The following PLAC1 variants were observed in gnomAD, a reference collection of about 807,000 sequenced individuals.
The protein encoded by PLAC1 is placenta associated 1.
For synonymous variants in PLAC1, 68 were observed against 62.1 expected, an observed-to-expected ratio of 1.09 and a Z score of -0.44; for missense variants, 136 against 163.2, an observed-to-expected ratio of 0.83 and a Z score of 0.91.
intron 1 of PLAC1, among the ~76,000 whole-genome samples, chrX:134,612,949 T>C (rs753999881): frequency 9.1e-6 from 1 of 110,302 alleles, no homozygotes; most frequent in South Asian, 4.0e-4. Flanking sequence ...CAGGCACACA[T>C]AGCAGGTAGA....
At chrX:134,747,213 A>G (rs2147849701) in intron 1 of PLAC1, among the ~76,000 whole-genome samples, 1 of 111,803 alleles carries the variant, frequency 8.9e-6, no homozygotes, top group East Asian at 2.8e-4. Flanking sequence ...GAAACCTCTC[A>G]TTAACCCATG....
rs188631962 is a variant in PLAC1 at position 134,636,983 on chromosome X, C to T, written c.-131+21345G>A. ...TAATTCTCCATCCATCTCAGTCCTC[C>T]GTAAACAGTTAAAGACTGCAGCCAA... On this transcript the variant is annotated intron_variant, in intron 1 of 2. Transcript: ENST00000359237. Among the ~76,000 whole-genome samples, 11 of 112,509 alleles carry T rather than the reference C, an allele frequency of 9.8e-5. No individual in the cohort carries two copies. In the Admixed American group the frequency reaches 1.0e-3, roughly 11 times the overall value.
intron 2 of PLAC1, among the ~76,000 whole-genome samples, chrX:134,704,520 CA>C (rs774558355): frequency 1.1e-5 from 1 of 94,052 alleles, no homozygotes; most frequent in African/African-American, 3.9e-5. Context: ...ATAACAACAA[CA>C]AAAAAAAATA....
chrX:134,570,585 G>C (rs1177629879), intron 2 of PLAC1, among the ~76,000 whole-genome samples: 6 of 111,412 alleles, frequency 5.4e-5, no homozygotes, highest in Non-Finnish European at 9.4e-5. Context: ...ATTTTGACTC[G>C]ATTGCAAATT....
chrX:134,674,865 A>G (rs1048683160), intron 2 of PLAC1, among the ~76,000 whole-genome samples: 2 of 112,713 alleles, frequency 1.8e-5, no homozygotes. Flanking sequence ...TCAGCAGAAC[A>G]GGGAAGAAAG....
At chrX:134,757,112 A>T (rs1296454069) in intron 1 of PLAC1, among the ~76,000 whole-genome samples, 1 of 112,810 alleles carries the variant, frequency 8.9e-6, no homozygotes, top group Non-Finnish European at 1.9e-5. Context: ...AAACTGATTC[A>T]GATAGGGATT....
intron 1 of PLAC1, among the ~76,000 whole-genome samples, chrX:134,753,603 G>A (rs2078749760): frequency 9.1e-6 from 1 of 110,211 alleles, no homozygotes; most frequent in Non-Finnish European, 1.9e-5. Flanking sequence ...GGGCGGGAAC[G>A]AGATGGTATA....
intron 1 of PLAC1, among the ~76,000 whole-genome samples, chrX:134,642,559 G>C (rs1012778712): frequency 1.8e-5 from 2 of 111,193 alleles, no homozygotes; most frequent in African/African-American, 6.5e-5. Flanking sequence ...AGGTCTGGAA[G>C]TTGTTGGGGG....
At chrX:134,636,259 C>T (rs770356356) in intron 1 of PLAC1, among the ~76,000 whole-genome samples, 5 of 112,157 alleles carry the variant, frequency 4.5e-5, no homozygotes, top group African/African-American at 1.3e-4. Context: ...CATGAGCCCA[C>T]GACAAACCCT....
At chrX:134,685,449 C>CTTTTTTT (rs200498313) in intron 2 of PLAC1, among the ~76,000 whole-genome samples, 22 of 49,151 alleles carry the variant, frequency 4.5e-4, no homozygotes, top group South Asian at 1.6e-3. Flanking sequence ...AATGGCGTCC[C>CTTTTTTT]TTTTTTTTTT....
In PLAC1 at chrX:134,736,659, C is replaced by T. The variant is rs1031038116; in HGVS notation, n.90-3140G>A. Among the ~76,000 whole-genome samples the T allele has an allele frequency of 6.2e-5, 7 of 112,089 alleles. No individual in the cohort carries two copies. The East Asian group carries it at 8.5e-4, about 14-fold the overall frequency. ...TTGTCCTCCCAAGATCCTTGGAAAT[C>T]GAAGCTTTGCTATGCTCATTACTGA... is the stretch of plus-strand genomic sequence containing the variant. On this transcript the variant is annotated intron_variant and non_coding_transcript_variant, in intron 1 of 2. Coordinates refer to the PLAC1 transcript ENST00000466797.
At chrX:134,701,973 T>TG (rs1227390766) in intron 2 of PLAC1, among the ~76,000 whole-genome samples, 2 of 111,970 alleles carry the variant, frequency 1.8e-5, no homozygotes, top group Non-Finnish European at 3.8e-5. Flanking sequence ...GAGCCAAGAT[T>TG]GTGCCACTGC....
At chrX:134,584,309 C>T in intron 2 of PLAC1, among the ~76,000 whole-genome samples, 1 of 111,973 alleles carries the variant, frequency 8.9e-6, no homozygotes, top group Non-Finnish European at 1.9e-5. Context: ...TCGCAGGCAG[C>T]CCAGCAAGGG....
At chrX:134,750,900 T>A (rs1290362091) in intron 1 of PLAC1, among the ~76,000 whole-genome samples, 1 of 12,208 alleles carries the variant, frequency 8.2e-5, no homozygotes, top group Admixed American at 2.1e-3. Flanking sequence ...TATATATATT[T>A]ATATATATAT....
intron 1 of PLAC1, among the ~76,000 whole-genome samples, chrX:134,639,337 G>C (rs756273483): frequency 1.8e-5 from 2 of 111,929 alleles, no homozygotes; most frequent in Admixed American, 9.5e-5. Flanking sequence ...ACAGTCCTTA[G>C]AGAAGTAGAA....
intron 1 of PLAC1, among the ~76,000 whole-genome samples, chrX:134,759,545 A>G (rs1322558016): frequency 9.0e-6 from 1 of 111,678 alleles, no homozygotes; most frequent in Non-Finnish European, 1.9e-5. Context: ...TAGAATTGCC[A>G]TTTGATCTAA....
chrX:134,689,511 C>T (rs1249786362), intron 2 of PLAC1, among the ~76,000 whole-genome samples: 1 of 111,709 alleles, frequency 9.0e-6, no homozygotes. Context: ...TCCATCAAGC[C>T]CTCCCCAACT....
chrX:134,579,545 T>C (rs999346285), intron 2 of PLAC1, among the ~76,000 whole-genome samples: 9 of 111,582 alleles, frequency 8.1e-5, no homozygotes, highest in African/African-American at 2.9e-4. Context: ...AACCAAAGCA[T>C]AGAGGGGCTG....
chrX:134,702,307 G>A (rs2078586151), intron 2 of PLAC1, among the ~76,000 whole-genome samples: 1 of 112,270 alleles, frequency 8.9e-6, no homozygotes, highest in Non-Finnish European at 1.9e-5. Context: ...CATGTTCATT[G>A]CAGCACTATT....
Sources: allele counts gnomAD v4.1 joint callset (sites outside exome capture counted in the v4.1 genomes callset), GRCh38; gene constraint gnomAD v4.1.1; transcripts MANE v1.5; gene names NCBI Gene and HGNC (gene_info 2026-07-23, HGNC 2026-07-21).